Variants in ATP10B observed in about 807,000 individuals in gnomAD.
The protein encoded by ATP10B is phospholipid-transporting ATPase VB.
ATP10B carries 122 observed loss-of-function variants against 141.2 expected under a neutral mutation model. That is an observed-to-expected ratio of 0.86 (90% CI 0.75 to 1.00). The LOEUF (loss-of-function observed/expected upper bound fraction) is 1.00. ATP10B is among the 50% of genes least tolerant of loss of function. The probability of loss-of-function intolerance (pLI) is 0.00; values close to 1 mark genes in which losing one functional copy is unlikely to be tolerated. For synonymous variants in ATP10B, 685 were observed against 692.0 expected, an observed-to-expected ratio of 0.99 and a Z score of 0.16; for missense variants, 1,876 against 1,825.3, an observed-to-expected ratio of 1.03 and a Z score of -0.51.
At chr5:160,784,200 G>A (rs1446988094) in intron 2 of ATP10B, among the ~76,000 whole-genome samples, 7 of 152,092 alleles carry the variant, frequency 4.6e-5, no homozygotes, top group Admixed American at 2.0e-4. Flanking sequence ...ACAGCTCACA[G>A]GAGACTCTTA....
intron 1 of ATP10B, among the ~76,000 whole-genome samples, chr5:160,835,089 A>G (rs1237970747): frequency 6.6e-6 from 1 of 152,120 alleles, no homozygotes; most frequent in Admixed American, 6.6e-5. Context: ...CAGTGGGAGA[A>G]TGTTCAAAAG....
intron 1 of ATP10B, among the ~76,000 whole-genome samples, chr5:160,825,688 T>C (rs1159414433): frequency 6.6e-6 from 1 of 152,156 alleles, no homozygotes; most frequent in African/African-American, 2.4e-5. Flanking sequence ...TAAAAAAATT[T>C]GACTTTCATT....
chr5:160,565,961 A>G, intron 25 of ATP10B, 61 bp from the exon 26 acceptor site: 1 of 1,466,850 alleles, frequency 6.8e-7, no homozygotes, highest in Non-Finnish European at 9.2e-7. Flanking sequence ...AAACTTCAGC[A>G]TTAAAAGATA....
At chr5:160,598,733 C>T (rs1176033894) in intron 22 of ATP10B, 37 bp downstream of exon 22, 2 of 1,603,460 alleles carry the variant, frequency 1.2e-6, no homozygotes, top group Non-Finnish European at 1.7e-6. Flanking sequence ...CAGTAAGAAG[C>T]TGAAGTCACC....
the ATP10B span, among the ~76,000 whole-genome samples, chr5:160,889,727 G>A: frequency 1.3e-5 from 2 of 152,178 alleles, no homozygotes; most frequent in African/African-American, 4.8e-5. Context: ...AGGGGAAACT[G>A]GGGAGTGTCT....
chr5:160,838,450 T>C (rs982545656), intron 1 of ATP10B, among the ~76,000 whole-genome samples: 2 of 152,196 alleles, frequency 1.3e-5, no homozygotes, highest in Non-Finnish European at 2.9e-5. Flanking sequence ...TCCACTTCTG[T>C]TCTCTATTTG....
intron 1 of ATP10B, among the ~76,000 whole-genome samples, chr5:160,843,598 T>TA (rs1280182504): frequency 3.3e-5 from 5 of 152,010 alleles, no homozygotes; most frequent in South Asian, 4.2e-4. Flanking sequence ...TGCAGTTCAT[T>TA]AAAAAAAATC....
rs1468348611 is a variant in ATP10B at position 160,565,292 on chromosome 5, CA to C, written c.*160del. The C allele has an allele frequency of 2.8e-6, 2 of 718,312 alleles. No homozygotes were observed. Among genetic ancestry groups the C allele is most frequent in the East Asian group, 5.4e-5 (2 of 36,930 alleles). 44.5% of individuals were successfully genotyped at this position (718,312 alleles called of 1,614,324 possible). On this transcript the variant is annotated 3_prime_UTR_variant, in exon 26 of 26. Transcript: ENST00000327245. ...CCGACTGGGTTTCCCGTCTTTGTGT[CA>C]GACCCCTTGGGGCCAGCACTTCCTC...
At chr5:160,885,010 G>T in the ATP10B span, among the ~76,000 whole-genome samples, 91,205 of 152,116 alleles carry the variant, frequency 0.6, 29,539 homozygotes, top group East Asian at 0.86. Flanking sequence ...TCCAATCACC[G>T]TTGGAACTGG....
At chr5:160,604,769 T>C (rs1757290481) in intron 19 of ATP10B, among the ~76,000 whole-genome samples, 1 of 152,176 alleles carries the variant, frequency 6.6e-6, no homozygotes, top group South Asian at 2.1e-4. Flanking sequence ...TTCAAGATCT[T>C]TCCATGATGA....
At chr5:160,818,201 T>A (rs77860027) in intron 1 of ATP10B, among the ~76,000 whole-genome samples, 51,755 of 151,910 alleles carry the variant, frequency 0.34, 9,828 homozygotes, top group East Asian at 0.45. Context: ...CTACCATCAG[T>A]GTAAACAGGC....
intron 1 of ATP10B, among the ~76,000 whole-genome samples, chr5:160,823,570 A>G (rs775738057): frequency 9.2e-5 from 14 of 152,282 alleles, no homozygotes; most frequent in Admixed American, 7.8e-4. Context: ...AAGAAAACAT[A>G]TTTCAGCCAG....
At chr5:160,809,272 TG>T in intron 1 of ATP10B, among the ~76,000 whole-genome samples, 1 of 152,322 alleles carries the variant, frequency 6.6e-6, no homozygotes, top group South Asian at 2.1e-4. Context: ...CAGACTCTGC[TG>T]GCCAAAATGG....
intron 2 of ATP10B, among the ~76,000 whole-genome samples, chr5:160,763,126 G>A (rs1769165289): frequency 6.6e-6 from 1 of 151,958 alleles, no homozygotes; most frequent in Non-Finnish European, 1.5e-5. Context: ...AGAGGACTTC[G>A]GTACTCGACT....
intron 3 of ATP10B, among the ~76,000 whole-genome samples, chr5:160,698,409 A>G (rs1483665869): frequency 1.3e-5 from 2 of 152,194 alleles, no homozygotes; most frequent in Non-Finnish European, 2.9e-5. Context: ...TGAGATTAAT[A>G]TATTATAATT....
At chr5:160,684,697 T>A in intron 6 of ATP10B, 2 of 576,344 alleles carry the variant, frequency 3.5e-6, no homozygotes, top group Non-Finnish European at 6.1e-6. Context: ...AAGCTCACTG[T>A]AGAGAACTGA....
chr5:160,894,468 A>G, the ATP10B span, among the ~76,000 whole-genome samples: 2 of 152,100 alleles, frequency 1.3e-5, no homozygotes, highest in East Asian at 1.9e-4. Context: ...CTGAATATCA[A>G]CTTAATGAAA....
At chr5:160,656,517 G>A (rs1329700309) in intron 7 of ATP10B, among the ~76,000 whole-genome samples, 2 of 152,184 alleles carry the variant, frequency 1.3e-5, no homozygotes, top group Non-Finnish European at 2.9e-5. Context: ...TATAGACAGA[G>A]TAAAAATAAG....
At chr5:160,899,793 C>T in the ATP10B span, among the ~76,000 whole-genome samples, 1 of 152,160 alleles carries the variant, frequency 6.6e-6, no homozygotes, top group South Asian at 2.1e-4. Flanking sequence ...GGCTCAGGAT[C>T]TAAGCTCCTG....
Sources: gnomAD v4.1 joint callset for allele counts (sites outside exome capture counted in the v4.1 genomes callset) on GRCh38, gnomAD v4.1.1 for gene constraint, MANE v1.5 for transcripts, NCBI Gene and HGNC (gene_info 2026-07-23, HGNC 2026-07-21) for gene names.